The following TLK2 variants were observed in gnomAD, a reference collection of about 807,000 sequenced individuals.
The protein encoded by TLK2 is serine/threonine-protein kinase tousled-like 2.
A neutral mutation model predicts 117.3 loss-of-function variants in TLK2; 6 were observed. The ratio of observed to expected loss-of-function variants is 0.05; its 90% CI spans 0.03 to 0.10. TLK2 has a LOEUF of 0.10. Among genes scored for constraint, TLK2 ranks in the 10% least tolerant of loss-of-function variants. The probability of loss-of-function intolerance (pLI) is 1.00; values close to 1 mark genes in which losing one functional copy is unlikely to be tolerated. For synonymous variants in TLK2, 257 were observed against 316.7 expected, an observed-to-expected ratio of 0.81 and a Z score of 2.00; for missense variants, 299 against 901.2, an observed-to-expected ratio of 0.33 and a Z score of 8.56.
intron 9 of TLK2, among the ~76,000 whole-genome samples, chr17:62,558,103 A>G (rs2078994381): frequency 6.6e-6 from 1 of 151,538 alleles, no homozygotes; most frequent in Non-Finnish European, 1.5e-5. Context: ...GAATTTTGCC[A>G]TTTTAATAAG....
chr17:62,549,780 C>G (rs1299878602), intron 7 of TLK2: 2 of 151,352 alleles, frequency 1.3e-5, no homozygotes, highest in African/African-American at 4.8e-5. Flanking sequence ...TCCTGAGTAG[C>G]TGGGATTACA....
chr17:62,496,648 T>C (rs1246696977), intron 2 of TLK2, among the ~76,000 whole-genome samples: 1 of 152,118 alleles, frequency 6.6e-6, no homozygotes, highest in Non-Finnish European at 1.5e-5. Context: ...TCCATGGTTT[T>C]ATTACGTTCT....
intron 2 of TLK2, 77 bp downstream of exon 2, chr17:62,481,283 G>T (rs11514500): frequency 0.042 from 64,593 of 1,528,410 alleles, 1,493 homozygotes; most frequent in Middle Eastern, 0.061. Flanking sequence ...GAGCAATTTG[G>T]GTAGGCCCTT....
chr17:62,565,178 C>A, intron 11 of TLK2, 41 bp downstream of exon 11: 1 of 1,574,630 alleles, frequency 6.4e-7, no homozygotes, highest in South Asian at 1.2e-5. Flanking sequence ...TTGAAAAGTT[C>A]GTTTGCATTT....
rs1314590289 is a variant in TLK2 at position 62,565,127 on chromosome 17, A to G, written c.958A>G (p.Asn320Asp). The G allele has an allele frequency of 4.4e-6, 7 of 1,604,930 alleles. No individual in the cohort carries two copies. Among genetic ancestry groups the G allele is most frequent in the Non-Finnish European group, 4.2e-6 (5 of 1,178,008 alleles). Reference protein sequence around the residue: ...EQWTDGYAFQNLIKQQERINS... With the variant: ...EQWTDGYAFQDLIKQQERINS... ...GTGGACAGATGGTTATGCTTTTCAG[A>G]ATCTTATCAAGTAAGTGAATTGTTA... Residue 320 changes from asparagine to aspartate, a missense_variant, in exon 11 of 22, where the codon AAT (asparagine) becomes GAT (aspartate). Coordinates refer to ENST00000346027, the MANE Select transcript of TLK2 (RefSeq NM_006852.6).
Position 62,505,407 on chromosome 17 carries a change from ATTTTTT to A in TLK2, c.82-15345_82-15340del, listed in dbSNP as rs544900638. On this transcript the variant is annotated intron_variant, in intron 2 of 21. Coordinates refer to ENST00000346027, the MANE Select transcript of TLK2 (RefSeq NM_006852.6). ...TACAGTCATGCACTACCATACCCAG[ATTTTTT>A]TTTTTTTTTTTTTTTTTTTTGGTAG... is the stretch of plus-strand genomic sequence containing the variant. Among the ~76,000 whole-genome samples, 22 of 53,766 alleles carry A rather than the reference ATTTTTT, an allele frequency of 4.1e-4. 1 individual carries two copies. The highest frequency in any genetic ancestry group is 1.4e-3 in the African/African-American group (15 of 10,814). The allele number at this position is 53,766 out of a possible 152,430, so 35.3% of individuals were successfully genotyped here.
chr17:62,540,621 A>C (rs1183129545), intron 7 of TLK2, among the ~76,000 whole-genome samples: 2 of 148,040 alleles, frequency 1.4e-5, no homozygotes, highest in African/African-American at 5.0e-5. Context: ...CTGGTCTTGA[A>C]CTCCTAACCT....
chr17:62,500,962 G>T (rs2074136304), intron 2 of TLK2, among the ~76,000 whole-genome samples: 1 of 152,118 alleles, frequency 6.6e-6, no homozygotes, highest in African/African-American at 2.4e-5. Flanking sequence ...TTGTGAGCCG[G>T]GCATGGTGAC....
chr17:62,489,297 C>T (rs2072846886), intron 2 of TLK2, among the ~76,000 whole-genome samples: 1 of 151,486 alleles, frequency 6.6e-6, no homozygotes. Context: ...GCCTTCTGGG[C>T]TCAAGTGATT....
At chr17:62,608,607 A>G (rs1209519220) in intron 21 of TLK2, among the ~76,000 whole-genome samples, 1 of 152,308 alleles carries the variant, frequency 6.6e-6, no homozygotes, top group East Asian at 1.9e-4. Flanking sequence ...TGGGTAATTT[A>G]TAAAGGAAAG....
At chr17:62,523,037 A>G (rs2076145391) in intron 4 of TLK2, 97 bp from the exon 5 acceptor site, 5 of 1,250,592 alleles carry the variant, frequency 4.0e-6, no homozygotes, top group South Asian at 3.4e-5. Context: ...TTGGGTTTAT[A>G]GCAATGTATG....
At chr17:62,491,660 C>CTCA (rs2073124046) in intron 2 of TLK2, among the ~76,000 whole-genome samples, 1 of 152,224 alleles carries the variant, frequency 6.6e-6, no homozygotes, top group Non-Finnish European at 1.5e-5. Context: ...GTGATCTCGG[C>CTCA]TCACTGCAAG....
At chr17:62,594,789 TAC>T (rs143695451) in intron 16 of TLK2, among the ~76,000 whole-genome samples, 8,608 of 145,326 alleles carry the variant, frequency 0.059, 582 homozygotes, top group African/African-American at 0.17. Context: ...GCAGGGCGGG[TAC>T]ACACACACAC....
chr17:62,481,586 C>T (rs1433484109), intron 2 of TLK2, among the ~76,000 whole-genome samples: 1 of 152,160 alleles, frequency 6.6e-6, no homozygotes, highest in Non-Finnish European at 1.5e-5. Context: ...GAGGTAGTTA[C>T]ATGGTAGAGT....
At chr17:62,527,668 T>C (rs2076461769) in intron 6 of TLK2, among the ~76,000 whole-genome samples, 1 of 152,164 alleles carries the variant, frequency 6.6e-6, no homozygotes, top group Non-Finnish European at 1.5e-5. Context: ...TGGTGTGTTA[T>C]AAGTTTAATT....
chr17:62,548,608 T>A (rs1460952371), intron 7 of TLK2, among the ~76,000 whole-genome samples: 1 of 152,028 alleles, frequency 6.6e-6, no homozygotes, highest in East Asian at 1.9e-4. Context: ...TAGAAATATC[T>A]CACTACATCA....
intron 6 of TLK2, among the ~76,000 whole-genome samples, chr17:62,534,919 C>T (rs1400891801): frequency 2.4e-5 from 3 of 125,778 alleles, no homozygotes; most frequent in South Asian, 2.8e-4. Flanking sequence ...GATAGAGTCG[C>T]TCTCTGTTAC....
At chr17:62,499,677 C>T (rs1598227999) in intron 2 of TLK2, among the ~76,000 whole-genome samples, 1 of 151,952 alleles carries the variant, frequency 6.6e-6, no homozygotes, top group East Asian at 1.9e-4. Flanking sequence ...TGGTAAAACC[C>T]TGTCTCTACT....
chr17:62,603,872 C>G (rs1253706869), intron 19 of TLK2, among the ~76,000 whole-genome samples: 1 of 152,050 alleles, frequency 6.6e-6, no homozygotes, highest in Non-Finnish European at 1.5e-5. Context: ...TAATCACTAT[C>G]TTCAGTATGT....
Sources: allele counts gnomAD v4.1 joint callset (sites outside exome capture counted in the v4.1 genomes callset), GRCh38; gene constraint gnomAD v4.1.1; transcripts MANE v1.5; gene names NCBI Gene and HGNC (gene_info 2026-07-23, HGNC 2026-07-21).